The following CNTNAP2 variants were observed in gnomAD, a reference collection of about 807,000 sequenced individuals.
The protein encoded by CNTNAP2 is contactin associated protein 2.
In CNTNAP2, 98 loss-of-function variants were observed where a neutral mutation model predicts 155.2. The observed-to-expected ratio is 0.63, with a 90% CI of 0.54 to 0.75. The LOEUF is 0.75. Among genes scored for constraint, CNTNAP2 ranks in the 30% least tolerant of loss-of-function variants. The probability of loss-of-function intolerance (pLI) is 0.00; values close to 1 mark genes in which losing one functional copy is unlikely to be tolerated. For synonymous variants in CNTNAP2, 651 were observed against 631.2 expected (o/e 1.03, Z -0.47); for missense variants, 1,727 against 1,688.1 (o/e 1.02, Z -0.40).
chr7:146,879,549 A>G (rs1795496978), intron 3 of CNTNAP2, among the ~76,000 whole-genome samples: 1 of 152,016 alleles, frequency 6.6e-6, no homozygotes, highest in Non-Finnish European at 1.5e-5. Context: ...TTTTACAGGA[A>G]TTAGTTCATT....
intron 16 of CNTNAP2, among the ~76,000 whole-genome samples, chr7:148,143,158 C>T (rs1319657883): frequency 2.0e-5 from 3 of 152,234 alleles, no homozygotes; most frequent in East Asian, 1.9e-4. Flanking sequence ...AGAGGTTCTC[C>T]GTAGTTTCAA....
chr7:146,523,419 G>C (rs950791751), intron 1 of CNTNAP2, among the ~76,000 whole-genome samples: 1 of 151,864 alleles, frequency 6.6e-6, no homozygotes, highest in Non-Finnish European at 1.5e-5. Flanking sequence ...TTGTATAAAA[G>C]AGTGTCCATT....
intron 13 of CNTNAP2, among the ~76,000 whole-genome samples, chr7:147,816,862 A>G: frequency 6.6e-6 from 1 of 152,218 alleles, no homozygotes; most frequent in Admixed American, 6.5e-5. Context: ...AAATATTAAA[A>G]AGAACTAGAC....
chr7:147,913,243 G>A (rs1055955643), intron 14 of CNTNAP2, among the ~76,000 whole-genome samples: 1 of 152,150 alleles, frequency 6.6e-6, no homozygotes, highest in Non-Finnish European at 1.5e-5. Flanking sequence ...CTGGCACAAG[G>A]TCCTGCTAAA....
At chr7:146,810,250 C>T (rs1803039612) in intron 2 of CNTNAP2, among the ~76,000 whole-genome samples, 1 of 147,544 alleles carries the variant, frequency 6.8e-6, no homozygotes, top group Non-Finnish European at 1.5e-5. Context: ...TTGATTACTA[C>T]AGTTTTATAA....
At chr7:147,394,812 T>TGTGTGTGTGTGC (rs1796784037) in intron 9 of CNTNAP2, among the ~76,000 whole-genome samples, 1 of 101,828 alleles carries the variant, frequency 9.8e-6, no homozygotes, top group African/African-American at 3.7e-5. Flanking sequence ...CAGTATTGTG[T>TGTGTGTGTGTGC]GTGTGTGTGT....
At chr7:146,849,132 C>T (rs1380822803) in intron 3 of CNTNAP2, among the ~76,000 whole-genome samples, 1 of 152,168 alleles carries the variant, frequency 6.6e-6, no homozygotes, top group African/African-American at 2.4e-5. Context: ...TCCTGTGAAT[C>T]AGTAATGCTT....
chr7:146,238,502 T>C (rs916462941), intron 1 of CNTNAP2, among the ~76,000 whole-genome samples: 1 of 152,008 alleles, frequency 6.6e-6, no homozygotes, highest in African/African-American at 2.4e-5. Context: ...GAGAAAACCA[T>C]GGTGAGGCAC....
intron 20 of CNTNAP2, among the ~76,000 whole-genome samples, chr7:148,237,241 CT>C (rs1285587186): frequency 6.6e-6 from 1 of 152,172 alleles, no homozygotes; most frequent in Non-Finnish European, 1.5e-5. Flanking sequence ...AAATAACTTT[CT>C]TTCCCACATA....
chr7:146,535,864 C>T (rs1332711501), intron 1 of CNTNAP2, among the ~76,000 whole-genome samples: 2 of 152,014 alleles, frequency 1.3e-5, no homozygotes, highest in East Asian at 1.9e-4. Flanking sequence ...TGACTGTATT[C>T]CCTACTTTAT....
intron 13 of CNTNAP2, among the ~76,000 whole-genome samples, chr7:147,799,174 T>C (rs1458746846): frequency 6.6e-6 from 1 of 152,066 alleles, no homozygotes; most frequent in East Asian, 1.9e-4. Context: ...GGAAGAGCAA[T>C]TAGAAGGATA....
At chr7:148,096,700 T>C (rs1803979513) in intron 15 of CNTNAP2, among the ~76,000 whole-genome samples, 1 of 152,040 alleles carries the variant, frequency 6.6e-6, no homozygotes, top group Non-Finnish European at 1.5e-5. Context: ...CTAAAGACTG[T>C]CCAGTGAGTA....
intron 14 of CNTNAP2, among the ~76,000 whole-genome samples, chr7:147,935,126 ATCTT>A (rs976766110): frequency 2.0e-5 from 3 of 151,492 alleles, no homozygotes; most frequent in African/African-American, 4.8e-5. Context: ...GTTTGAGTAA[ATCTT>A]TCTTTCTTTT....
chr7:146,518,029 G>A (rs147830669), intron 1 of CNTNAP2, among the ~76,000 whole-genome samples: 12 of 151,558 alleles, frequency 7.9e-5, no homozygotes, highest in East Asian at 5.9e-4. Context: ...TATTTAAAAC[G>A]CATAAGGTGG....
chr7:147,642,257 C>G (rs10260292), intron 13 of CNTNAP2, among the ~76,000 whole-genome samples: 2,616 of 152,130 alleles, frequency 0.017, 78 homozygotes, highest in African/African-American at 0.06. Flanking sequence ...CCTTGGTACT[C>G]TCAGCTTTAT....
intron 16 of CNTNAP2, among the ~76,000 whole-genome samples, chr7:148,123,635 G>A (rs916092095): frequency 2.3e-4 from 6 of 26,028 alleles, no homozygotes; most frequent in Non-Finnish European, 4.9e-4. Flanking sequence ...AGGGAGAGCA[G>A]GAAGGAAGGA....
At chr7:147,412,004 A>G (rs1469264402) in intron 10 of CNTNAP2, among the ~76,000 whole-genome samples, 1 of 152,230 alleles carries the variant, frequency 6.6e-6, no homozygotes, top group Non-Finnish European at 1.5e-5. Context: ...AATTTAAAAT[A>G]TAGTTATCAA....
rs190502542 is a variant in CNTNAP2 at position 146,603,269 on chromosome 7, G to T, written c.98-171002G>T. ...CTACTAAAAATACAAAACATTAGCC[G>T]GGCGTGGTGGCGGGCGCCTGTAGTC... On this transcript the variant is annotated intron_variant, in intron 1 of 23. Coordinates refer to ENST00000361727, the MANE Select transcript of CNTNAP2 (RefSeq NM_014141.6). Among the ~76,000 whole-genome samples the T allele has an allele frequency of 5.0e-3, 749 of 150,944 alleles. 21 individuals carry two copies. The highest frequency in any genetic ancestry group is 0.017 in the African/African-American group (692 of 41,280).
chr7:147,364,382 TA>T (rs1295853780), intron 9 of CNTNAP2, among the ~76,000 whole-genome samples: 3 of 152,238 alleles, frequency 2.0e-5, no homozygotes, highest in Non-Finnish European at 2.9e-5. Context: ...TATACAATTG[TA>T]TATCAGCTGT....
Sources: allele counts gnomAD v4.1 joint callset (sites outside exome capture counted in the v4.1 genomes callset), GRCh38; gene constraint gnomAD v4.1.1; transcripts MANE v1.5; gene names NCBI Gene and HGNC (gene_info 2026-07-23, HGNC 2026-07-21).